The following MANBA variants were observed in gnomAD, a reference collection of about 807,000 sequenced individuals.
The protein encoded by MANBA is beta-mannosidase.
In MANBA, 83 loss-of-function variants were observed where a neutral mutation model predicts 111.1. The ratio of observed to expected loss-of-function variants is 0.75; its 90% CI spans 0.63 to 0.90. The LOEUF is 0.90. Among genes scored for constraint, MANBA ranks in the 40% least tolerant of loss-of-function variants. The pLI is 0.00. For missense variants in MANBA, 1,036 were observed against 1,069.0 expected (o/e 0.97, Z 0.43); for synonymous variants, 370 against 378.7 (o/e 0.98, Z 0.27).
intron 15 of MANBA, 141 bp from the exon 16 acceptor site, chr4:102,635,186 G>A: frequency 2.4e-6 from 2 of 829,024 alleles, no homozygotes; most frequent in Non-Finnish European, 3.9e-6. Context: ...TCCCAGTCCT[G>A]CAAAATACTA....
chr4:102,718,833 G>A (rs113460934), intron 4 of MANBA, among the ~76,000 whole-genome samples: 7,376 of 152,218 alleles, frequency 0.048, 530 homozygotes, highest in African/African-American at 0.15. Flanking sequence ...TGGTAGGACC[G>A]TGATGACGAC....
Position 102,726,651 on chromosome 4 carries a change from G to C in MANBA, c.210C>G (p.Tyr70Ter). The change falls in exon 2 of 17, where the codon TAC (tyrosine) becomes TAG (stop). Residue 70 changes from tyrosine (Y) to a stop codon, truncating the protein, a stop_gained. Coordinates refer to ENST00000647097, the MANE Select transcript of MANBA (RefSeq NM_005908.4). LOFTEE classifies it high-confidence loss of function. ...TCCAGTTATCCAAAGAGACCCATCT[G>C]TAGTTAAGGTCATTAAATCTGTAGT... is the stretch of plus-strand genomic sequence containing the variant. Reference protein sequence around the residue: ...DSYYRFNDLNYRWVSLDNWTY... With the variant: ...DSYYRFNDLN The C allele has an allele frequency of 6.4e-7, 1 of 1,572,178 alleles. No individual in the cohort carries two copies. The highest frequency in any genetic ancestry group is 8.8e-7 in the Non-Finnish European group (1 of 1,142,470).
At position 102,664,733 on chromosome 4, in the gene MANBA, C is replaced by T. The variant is rs757006303; in HGVS notation, c.1437G>A (p.Lys479=). 2 of 1,613,542 alleles carry T rather than the reference C, an allele frequency of 1.2e-6. No homozygotes were observed. Among genetic ancestry groups the T allele is most frequent in the Non-Finnish European group, 1.7e-6 (2 of 1,179,408 alleles). ...TTTTCACATAGAGTGTCACATAGTCCTTGATGTAGATTGGCCGGTCAGTGA... is the reference window on the plus strand; with the variant it reads ...TTTTCACATAGAGTGTCACATAGTCTTTGATGTAGATTGGCCGGTCAGTGA... ...ISFTDRPIYI[K]DYVTLYVKNI... Residue 479 remains lysine, a synonymous_variant, in exon 11 of 17, where the codon AAG becomes AAA. Transcript: ENST00000647097.
At chr4:102,687,161 C>T (rs1014977682) in intron 7 of MANBA, among the ~76,000 whole-genome samples, 1 of 152,124 alleles carries the variant, frequency 6.6e-6, no homozygotes, top group Non-Finnish European at 1.5e-5. Flanking sequence ...CTAACTCCTT[C>T]TTTTTTCCCA....
At chr4:102,681,671 T>C (rs1731983675) in intron 7 of MANBA, 1 of 152,234 alleles carries the variant, frequency 6.6e-6, no homozygotes, top group African/African-American at 2.4e-5. Flanking sequence ...TTATAATCAC[T>C]GTGCTATTGT....
intron 1 of MANBA, chr4:102,730,025 A>T (rs1339602983): frequency 1.2e-6 from 1 of 810,630 alleles, no homozygotes; most frequent in African/African-American, 1.7e-5. Context: ...CTCCGCCCAG[A>T]CAACCTTGGA....
intron 10 of MANBA, chr4:102,667,791 G>A (rs191066906): frequency 2.6e-5 from 4 of 152,296 alleles, no homozygotes; most frequent in Admixed American, 2.6e-4. Flanking sequence ...TGAAATCAGA[G>A]TCAATAATTA....
chr4:102,632,284 G>GA lies in MANBA; in HGVS notation c.2416-4dup, dbSNP rs779823155. On this transcript the variant is annotated splice_polypyrimidine_tract_variant and splice_region_variant and intron_variant, in intron 16 of 16. Coordinates refer to ENST00000647097, the MANE Select transcript of MANBA (RefSeq NM_005908.4). ...TCACCTTGCTGAGAGATGATGGCCT[G>GA]AAAAAGAAAAAAAAAAATGAATGAA... 6.5e-7 allele frequency: 1 copy of GA among 1,530,528 alleles called. No homozygotes were observed. The highest frequency in any genetic ancestry group is 1.9e-5 in the Admixed American group (1 of 52,020). 94.8% of individuals were successfully genotyped at this position (1,530,528 alleles called of 1,614,324 possible).
Position 102,724,066 on chromosome 4 carries a change from C to CA in MANBA, c.273-100dup, listed in dbSNP as rs561279832. On this transcript the variant is annotated intron_variant, in intron 2 of 16. Transcript: ENST00000647097. ...AAGGCCTAAAGAAATAAATATTCCA[C>CA]AAAAAATATATGTTCTTAAAAGGCA... 1,314 of 710,948 alleles carry CA rather than the reference C, an allele frequency of 1.8e-3. 6 individuals carry two copies. The highest frequency in any genetic ancestry group is 2.6e-3 in the Admixed American group (101 of 38,812). The allele number at this position is 710,948 out of a possible 1,614,324, so 44.0% of individuals were successfully genotyped here. A position where few individuals can be genotyped will look rare whatever the true frequency, so the allele number is the denominator to read the frequency against.
At chr4:102,634,662 C>T (rs1729534569) in intron 16 of MANBA, 126 bp downstream of exon 16, 2 of 1,303,662 alleles carry the variant, frequency 1.5e-6, no homozygotes, top group East Asian at 2.3e-5. Context: ...AATCTTCCCC[C>T]AGGCCTCAGG....
intron 4 of MANBA, among the ~76,000 whole-genome samples, chr4:102,716,155 C>T (rs113650664): frequency 0.015 from 2,318 of 151,512 alleles, 53 homozygotes; most frequent in African/African-American, 0.053. Context: ...ACTAAAAATA[C>T]AAAATTAGTT....
At chr4:102,637,667 G>C (rs1729690345) in intron 14 of MANBA, among the ~76,000 whole-genome samples, 1 of 152,132 alleles carries the variant, frequency 6.6e-6, no homozygotes, top group Admixed American at 6.5e-5. Flanking sequence ...ATGCCTGGAG[G>C]GTGGCACACC....
Position 102,632,074 on chromosome 4 carries a change from AG to A in MANBA, c.2622del (p.Leu875Ter). 1 of 1,602,388 alleles carries A rather than the reference AG, an allele frequency of 6.2e-7. No homozygotes were observed. The highest frequency in any genetic ancestry group is 8.5e-7 in the Non-Finnish European group (1 of 1,170,668). ...NELEQSFHVT[S>X]LTDIY ...AGATTCCTTCAGTAAATATCTGTTA[AG>A]GAGGTCACATGAAAAGATTGCTCCA... On this transcript the variant is annotated frameshift_variant, in exon 17 of 17. Transcript: ENST00000647097. LOFTEE classifies it high-confidence loss of function.
At chr4:102,680,582 T>TA (rs397722736) in intron 7 of MANBA, among the ~76,000 whole-genome samples, 8,525 of 142,442 alleles carry the variant, frequency 0.06, 713 homozygotes, top group African/African-American at 0.2. Flanking sequence ...TCCAAAGTTC[T>TA]AAAAAAAAAA....
At chr4:102,732,934 C>T (rs954950515) in intron 1 of MANBA, among the ~76,000 whole-genome samples, 1 of 152,166 alleles carries the variant, frequency 6.6e-6, no homozygotes, top group African/African-American at 2.4e-5. Flanking sequence ...CACACTAAGC[C>T]CGGGGGCTGG....
At chr4:102,686,699 C>A (rs1420775694) in intron 7 of MANBA, among the ~76,000 whole-genome samples, 3 of 152,170 alleles carry the variant, frequency 2.0e-5, no homozygotes, top group Non-Finnish European at 4.4e-5. Flanking sequence ...CCTCTGGTTT[C>A]TGTGACTCCC....
At chr4:102,676,081 A>T (rs1731713595) in intron 7 of MANBA, among the ~76,000 whole-genome samples, 1 of 152,200 alleles carries the variant, frequency 6.6e-6, no homozygotes, top group South Asian at 2.1e-4. Context: ...TGACTCATGG[A>T]AGGGAAGAAT....
chr4:102,673,791 T>A, intron 8 of MANBA, 128 bp downstream of exon 8: 2 of 829,798 alleles, frequency 2.4e-6, no homozygotes, highest in Non-Finnish European at 3.9e-6. Context: ...GAAGTTTCCA[T>A]CGTCTAGAAT....
At chr4:102,639,488 C>G (rs1729772402) in intron 14 of MANBA, among the ~76,000 whole-genome samples, 1 of 152,160 alleles carries the variant, frequency 6.6e-6, no homozygotes, top group African/African-American at 2.4e-5. Context: ...GCTGTTGCAA[C>G]TTTGCACAGC....
Sources: gnomAD v4.1 joint callset for allele counts (sites outside exome capture counted in the v4.1 genomes callset) on GRCh38, gnomAD v4.1.1 for gene constraint, MANE v1.5 for transcripts, NCBI Gene and HGNC (gene_info 2026-07-23, HGNC 2026-07-21) for gene names.